Variants in PISD observed in about 807,000 individuals in gnomAD.
PISD encodes phosphatidylserine decarboxylase proenzyme, mitochondrial.
In PISD, 31 loss-of-function variants were observed where a neutral mutation model predicts 43.5. The ratio of observed to expected loss-of-function variants is 0.71; its 90% CI spans 0.54 to 0.96. The LOEUF is 0.96. PISD is among the 40% of genes least tolerant of loss of function. PISD has a pLI of 0.00. For missense variants in PISD, 523 were observed against 548.4 expected (o/e 0.95, Z 0.46); for synonymous variants, 259 against 228.7 (o/e 1.13, Z -1.20).
intron 3 of PISD, among the ~76,000 whole-genome samples, chr22:31,627,801 C>T (rs536237671): frequency 6.6e-6 from 1 of 152,234 alleles, no homozygotes; most frequent in African/African-American, 2.4e-5. Flanking sequence ...CTTGGGTTCT[C>T]AAAGCAGGTT....
chr22:31,636,466 G>A (rs145714160), intron 3 of PISD, among the ~76,000 whole-genome samples: 63 of 152,106 alleles, frequency 4.1e-4, no homozygotes, highest in African/African-American at 1.2e-3. Context: ...GGGTTCAAGC[G>A]ATTCTCCTGC....
chr22:31,645,897 AAAAT>A (rs1190336982), intron 3 of PISD, among the ~76,000 whole-genome samples: 2 of 151,328 alleles, frequency 1.3e-5, no homozygotes, highest in African/African-American at 2.4e-5. Flanking sequence ...CAAATAAAAT[AAAAT>A]AAATAAATTT....
chr22:31,622,407 A>G (rs1040280618), intron 3 of PISD, among the ~76,000 whole-genome samples: 1 of 152,214 alleles, frequency 6.6e-6, no homozygotes, highest in African/African-American at 2.4e-5. Context: ...TACCCTGAGC[A>G]CCAACAGGGA....
At chr22:31,626,563 T>C (rs2072920113) in intron 3 of PISD, among the ~76,000 whole-genome samples, 1 of 152,090 alleles carries the variant, frequency 6.6e-6, no homozygotes, top group Admixed American at 6.5e-5. Flanking sequence ...CCCAGCTCCC[T>C]GCTCCAGGCC....
chr22:31,648,961 G>C (rs776811351), intron 2 of PISD, among the ~76,000 whole-genome samples: 9 of 152,072 alleles, frequency 5.9e-5, no homozygotes, highest in Non-Finnish European at 1.0e-4. Context: ...TCTCACCCAG[G>C]GCTCTTTGAT....
intron 3 of PISD, among the ~76,000 whole-genome samples, chr22:31,637,134 TAAATAAATTAAAAA>T (rs1190054624): frequency 2.2e-5 from 1 of 46,090 alleles, no homozygotes; most frequent in African/African-American, 7.6e-5. Context: ...AAAATAATAA[TAAATAAATTAAAAA>T]AAAAAAAAAA....
rs562625811 is a variant in PISD, at chr22:31,630,282, G to A, written c.322-8397C>T. On this transcript the variant is annotated intron_variant, in intron 3 of 7. Coordinates refer to ENST00000439502, the MANE Select transcript of PISD (RefSeq NM_001326411.2). The surrounding 1 kb of genome is among the most constrained non-coding windows in gnomAD (Gnocchi z 4.4). ...CTCTCAGACAACTCTGGGTGCTGAG[G>A]GGAACCGGCTCTGGGCAAAGGCAGT... Among the ~76,000 whole-genome samples the A allele has an allele frequency of 2.3e-3, 357 of 152,166 alleles. 3 individuals carry two copies. Among genetic ancestry groups the A allele is most frequent in the Non-Finnish European group, 4.4e-3 (298 of 67,974 alleles).
rs376500674 is a variant in PISD, at chr22:31,632,684, G to A, written c.322-10799C>T. ...GACATCCCATCCAGGACTGGTTTCC[G>A]CCTTGTGCCCTGAGCTGCCCATCGG... On this transcript the variant is annotated intron_variant, in intron 3 of 7. Transcript: ENST00000439502. Among the ~76,000 whole-genome samples the A allele has an allele frequency of 8.5e-5, 13 of 152,286 alleles. No individual in the cohort carries two copies. In the East Asian group the frequency reaches 2.5e-3, roughly 29 times the overall value.
intron 1 of PISD, among the ~76,000 whole-genome samples, chr22:31,657,137 GT>G (rs985922854): frequency 6.6e-6 from 1 of 152,016 alleles, no homozygotes; most frequent in African/African-American, 2.4e-5. Flanking sequence ...CTCTTTTAGT[GT>G]TTTGTTTTGT....
At chr22:31,648,907 C>A (rs1047359103) in intron 2 of PISD, among the ~76,000 whole-genome samples, 1 of 152,108 alleles carries the variant, frequency 6.6e-6, no homozygotes, top group African/African-American at 2.4e-5. Context: ...CAAGGTTGCC[C>A]AGGTGGTCAC....
chr22:31,639,531 A>T (rs529688847), intron 3 of PISD, among the ~76,000 whole-genome samples: 1 of 152,290 alleles, frequency 6.6e-6, no homozygotes, highest in African/African-American at 2.4e-5. Flanking sequence ...CCTAGCTGAA[A>T]GTGTATATTT....
At chr22:31,622,343 GAACA>G (rs2072631833) in intron 3 of PISD, among the ~76,000 whole-genome samples, 1 of 152,218 alleles carries the variant, frequency 6.6e-6, no homozygotes, top group South Asian at 2.1e-4. Flanking sequence ...CAAGTGCATG[GAACA>G]AGTCTACAGC....
intron 1 of PISD, among the ~76,000 whole-genome samples, chr22:31,659,180 G>A (rs1052100249): frequency 2.0e-5 from 3 of 152,038 alleles, no homozygotes; most frequent in Non-Finnish European, 4.4e-5. Flanking sequence ...ATCACCCCTA[G>A]TAGTAACATT....
Position 31,619,779 on chromosome 22 carries a change from C to G in PISD, c.1063G>C (p.Val355Leu), listed in dbSNP as rs61747365. The change falls in exon 8 of 8, where the codon GTG becomes CTG. Residue 355 changes from valine (V) to leucine (L), a missense_variant. Physicochemically the swap from Val to Leu is conservative, Grantham distance 32. Coordinates refer to ENST00000439502, the MANE Select transcript of PISD (RefSeq NM_001326411.2). ...SKGSYNDFSF[V>L]THTNREGVPM... Reference sequence around the variant, plus strand: ...ACGCCCTCTCTATTGGTGTGCGTCACGAAGCTGAAGTCATTGTAGGAGCCC... The same window carrying G: ...ACGCCCTCTCTATTGGTGTGCGTCAGGAAGCTGAAGTCATTGTAGGAGCCC... 7.4e-5 allele frequency: 119 copies of G among 1,614,078 alleles called. No individual in the cohort carries two copies. The highest frequency in any genetic ancestry group is 1.1e-4 in the African/African-American group (8 of 74,930).
chr22:31,622,851 G>T (rs185767003), intron 3 of PISD, among the ~76,000 whole-genome samples: 3 of 152,346 alleles, frequency 2.0e-5, no homozygotes, highest in Non-Finnish European at 4.4e-5. Context: ...CCTGTAATTG[G>T]TGGCTGCTGC....
At chr22:31,653,398 T>G (rs1318899761) in intron 1 of PISD, among the ~76,000 whole-genome samples, 1 of 152,188 alleles carries the variant, frequency 6.6e-6, no homozygotes, top group Non-Finnish European at 1.5e-5. Context: ...GAAAAACCCC[T>G]AACTGAAAGA....
In PISD at chr22:31,637,154, AAAAAAAAAAAATATATATATATATATAT is replaced by A. The variant is rs1302982033; in HGVS notation, c.321+10919_321+10946del. ...AATAATAAATAAATTAAAAAAAAAAAAAAAAAAAAAATATATATATATATATATATATATATATATATATATATATATA... is the reference window on the plus strand; with the variant it reads ...AATAATAAATAAATTAAAAAAAAAAAATATATATATATATATATATATATA... On this transcript the variant is annotated intron_variant, in intron 3 of 7. Transcript: ENST00000439502. Among the ~76,000 whole-genome samples the A allele has an allele frequency of 2.5e-4, 11 of 43,206 alleles. 1 individual carries two copies. The South Asian group carries it at 6.1e-3, about 24-fold the overall frequency. 28.3% of individuals were successfully genotyped at this position (43,206 alleles called of 152,430 possible).
At chr22:31,639,587 CAG>C (rs1209779591) in intron 3 of PISD, among the ~76,000 whole-genome samples, 1 of 152,142 alleles carries the variant, frequency 6.6e-6, no homozygotes, top group Non-Finnish European at 1.5e-5. Context: ...TAATCTAAAA[CAG>C]TATTTGTCAA....
At chr22:31,623,943 C>T in intron 3 of PISD, 1 of 1,205,830 alleles carries the variant, frequency 8.3e-7, no homozygotes. Context: ...AGGATTCCTC[C>T]TGTCTACCCA....
Sources: allele counts gnomAD v4.1 joint callset (sites outside exome capture counted in the v4.1 genomes callset), GRCh38; gene constraint gnomAD v4.1.1; non-coding constraint Gnocchi (gnomAD v3.1); transcripts MANE v1.5; gene names NCBI Gene and HGNC (gene_info 2026-07-23, HGNC 2026-07-21).